SIN3B: variants seen among roughly 807,000 people sequenced by gnomAD.
SIN3B encodes the protein paired amphipathic helix protein Sin3b.
Under a neutral mutation model 120.2 loss-of-function variants are expected in SIN3B, and 19 were observed. The ratio of observed to expected loss-of-function variants is 0.16; its 90% CI spans 0.11 to 0.23. The LOEUF (loss-of-function observed/expected upper bound fraction) is 0.23, where lower values mean the gene tolerates loss of function less well. Ranked by LOEUF, SIN3B falls within the 10% of genes least tolerant of loss-of-function variation. The probability of loss-of-function intolerance (pLI) is 1.00; values close to 1 mark genes in which losing one functional copy is unlikely to be tolerated. For synonymous variants in SIN3B, 654 were observed against 653.2 expected, an observed-to-expected ratio of 1.00 and a Z score of -0.02; for missense variants, 1,073 against 1,573.0, an observed-to-expected ratio of 0.68 and a Z score of 5.38.
At chr19:16,830,956 G>A (rs1971270818) in intron 2 of SIN3B, among the ~76,000 whole-genome samples, 1 of 152,166 alleles carries the variant, frequency 6.6e-6, no homozygotes, top group African/African-American at 2.4e-5. Flanking sequence ...TTTTAGGGGA[G>A]CTGAGCGATG....
rs929146853 is a variant in SIN3B at position 16,878,780 on chromosome 19, G to A, written c.*53G>A. 72 of 1,468,974 alleles carry A rather than the reference G, an allele frequency of 4.9e-5. 1 individual carries two copies. Among genetic ancestry groups the A allele is most frequent in the East Asian group, 1.5e-4 (6 of 40,746 alleles). The allele number at this position is 1,468,974 out of a possible 1,614,324, so 91.0% of individuals were successfully genotyped here. A position where few individuals can be genotyped will look rare whatever the true frequency, so the allele number is the denominator to read the frequency against. On this transcript the variant is annotated 3_prime_UTR_variant, in exon 19 of 19. Transcript: ENST00000248054. ...CCTCACAGAGCACAGACGTGCCCTCGGCCTTGGTCGTGTCGGGGCCGTTTT... is the reference window on the plus strand; with the variant it reads ...CCTCACAGAGCACAGACGTGCCCTCAGCCTTGGTCGTGTCGGGGCCGTTTT...
intron 14 of SIN3B, among the ~76,000 whole-genome samples, chr19:16,875,162 CTGGTCTGGTCTGGTCTGTT>C (rs1164777475): frequency 2.5e-5 from 3 of 118,652 alleles, no homozygotes; most frequent in Non-Finnish European, 5.3e-5. Context: ...TGGTTTGGGT[CTGGTCTGGTCTGGTCTGTT>C]TGGTCTGGTC....
chr19:16,867,646 G>C (rs996675518), intron 12 of SIN3B, among the ~76,000 whole-genome samples: 1 of 152,200 alleles, frequency 6.6e-6, no homozygotes, highest in Non-Finnish European at 1.5e-5. Flanking sequence ...TGCCTCACCT[G>C]ATTTGGTTTC....
chr19:16,873,189 G>A lies in SIN3B; in HGVS notation c.2592+1791G>A, dbSNP rs2608722. Among the ~76,000 whole-genome samples, 1,153 of 152,244 alleles carry A rather than the reference G, an allele frequency of 7.6e-3. 18 individuals carry two copies. Among genetic ancestry groups the A allele is most frequent in the African/African-American group, 0.026 (1,092 of 41,534 alleles). On this transcript the variant is annotated intron_variant, in intron 14 of 18. Coordinates refer to ENST00000248054, the MANE Select transcript of SIN3B (RefSeq NM_001297595.2). ...GTGGCTGGGGCCCTGTCCTTTCATG[G>A]CCGTTGGGACATCTTTTCTCATGGA...
chr19:16,835,030 G>A (rs1480493246), intron 3 of SIN3B, among the ~76,000 whole-genome samples: 2 of 150,966 alleles, frequency 1.3e-5, no homozygotes, highest in African/African-American at 2.4e-5. Context: ...CAGTTCAAGC[G>A]ATTCTCCTCC....
At chr19:16,841,452 C>A (rs1971416038) in intron 3 of SIN3B, among the ~76,000 whole-genome samples, 1 of 152,150 alleles carries the variant, frequency 6.6e-6, no homozygotes, top group African/African-American at 2.4e-5. Flanking sequence ...CAGCACTTGG[C>A]ACCACAGAGG....
Position 16,866,496 on chromosome 19 carries a change from C to T in SIN3B, c.1746C>T (p.Asn582=), listed in dbSNP as rs752638418. The part of the protein sequence containing the change: ...LDHQAVNFKQ[N]DTKALRSKSL... ...ACCAGGCTGTGAACTTCAAGCAGAA[C>T]GACACCAAGGCCCTGCGCTCCAAGA... The change falls in exon 12 of 19, where the codon AAC becomes AAT. Residue 582 remains asparagine, a synonymous_variant. Coordinates refer to ENST00000248054, the MANE Select transcript of SIN3B (RefSeq NM_001297595.2). The T allele has an allele frequency of 5.0e-5, 80 of 1,613,902 alleles. No homozygotes were observed. The South Asian group carries it at 7.5e-4, about 15-fold the overall frequency.
intron 12 of SIN3B, among the ~76,000 whole-genome samples, chr19:16,868,997 G>A (rs758589115): frequency 2.6e-5 from 4 of 152,114 alleles, no homozygotes; most frequent in African/African-American, 2.4e-5. Context: ...TGACTTCATC[G>A]ATAGCATGGT....
At chr19:16,864,333 A>T (rs535050855) in intron 10 of SIN3B, among the ~76,000 whole-genome samples, 5 of 151,986 alleles carry the variant, frequency 3.3e-5, no homozygotes, top group Non-Finnish European at 7.4e-5. Flanking sequence ...ATTTATTTTT[A>T]TTTTATTTAT....
chr19:16,847,687 C>G (rs962633398), intron 5 of SIN3B, among the ~76,000 whole-genome samples: 7 of 152,214 alleles, frequency 4.6e-5, no homozygotes, highest in Non-Finnish European at 1.5e-5. Flanking sequence ...CTGAAGCTGC[C>G]AGGGCCGCCT....
At chr19:16,832,086 T>A (rs1971285652) in intron 3 of SIN3B, among the ~76,000 whole-genome samples, 1 of 152,162 alleles carries the variant, frequency 6.6e-6, no homozygotes, top group Admixed American at 6.6e-5. Context: ...GTAGCCACGT[T>A]TATGTTGGCT....
intron 8 of SIN3B, chr19:16,855,372 C>CG (rs1199671441): frequency 4.1e-5 from 2 of 48,272 alleles, no homozygotes; most frequent in African/African-American, 1.5e-4. Flanking sequence ...AGAAACCTTC[C>CG]CCCCCCCCCC....
intron 16 of SIN3B, chr19:16,877,117 C>T (rs2051618701): frequency 8.8e-6 from 2 of 228,052 alleles, no homozygotes; most frequent in East Asian, 2.4e-4. Flanking sequence ...CATTACTCAG[C>T]TAGGCCAACC....
chr19:16,864,301 GTTTC>G (rs1252507545), intron 10 of SIN3B, among the ~76,000 whole-genome samples: 1 of 151,890 alleles, frequency 6.6e-6, no homozygotes, highest in African/African-American at 2.4e-5. Context: ...CTCCTAAAAA[GTTTC>G]TTTAATGTAA....
At chr19:16,842,845 A>T (rs1971434838) in intron 4 of SIN3B, among the ~76,000 whole-genome samples, 1 of 152,170 alleles carries the variant, frequency 6.6e-6, no homozygotes, top group Non-Finnish European at 1.5e-5. Flanking sequence ...AGTCAGGTTG[A>T]ATCTTGACAT....
chr19:16,838,756 C>G (rs192221802), intron 3 of SIN3B, among the ~76,000 whole-genome samples: 67 of 152,182 alleles, frequency 4.4e-4, no homozygotes, highest in Non-Finnish European at 7.2e-4. Context: ...ACTAAAACTT[C>G]TGCTTCTCAG....
chr19:16,835,701 G>A (rs2144575984), intron 3 of SIN3B, among the ~76,000 whole-genome samples: 1 of 152,022 alleles, frequency 6.6e-6, no homozygotes, highest in East Asian at 1.9e-4. Flanking sequence ...TGTATTTTTA[G>A]TAGAGACAGG....
At chr19:16,865,721 C>T in intron 11 of SIN3B, 73 bp downstream of exon 11, 2 of 1,029,116 alleles carry the variant, frequency 1.9e-6, no homozygotes. Context: ...CCTCCCCTCC[C>T]CACTGCAGGG....
chr19:16,877,474 A>ACC, intron 16 of SIN3B, 71 bp from the exon 17 acceptor site: 3 of 1,142,944 alleles, frequency 2.6e-6, no homozygotes, highest in Non-Finnish European at 3.9e-6. Flanking sequence ...TCCTGAACTC[A>ACC]GAGTCCAGAG....
Sources: gnomAD v4.1 joint callset for allele counts (sites outside exome capture counted in the v4.1 genomes callset) on GRCh38, gnomAD v4.1.1 for gene constraint, MANE v1.5 for transcripts, NCBI Gene and HGNC (gene_info 2026-07-23, HGNC 2026-07-21) for gene names.